The following GSG1L variants were observed in gnomAD, a reference collection of about 807,000 sequenced individuals.
GSG1L encodes the protein GSG1 like.
A neutral mutation model predicts 42.1 loss-of-function variants in GSG1L; 24 were observed. That is an observed-to-expected ratio of 0.57 (90% CI 0.41 to 0.80). The LOEUF is 0.80. GSG1L is among the 30% of genes least tolerant of loss of function. GSG1L has a pLI of 0.00. For missense variants in GSG1L, 445 were observed against 472.2 expected, an observed-to-expected ratio of 0.94 and a Z score of 0.53; for synonymous variants, 215 against 203.5, an observed-to-expected ratio of 1.06 and a Z score of -0.48.
chr16:27,814,679 CG>C (rs1440918300), intron 5 of GSG1L, among the ~76,000 whole-genome samples: 1 of 138,724 alleles, frequency 7.2e-6, no homozygotes, highest in Non-Finnish European at 1.5e-5. Context: ...AGGGAGAACC[CG>C]TCTCAAGGAA....
At chr16:27,902,731 G>C (rs1238412226) in intron 2 of GSG1L, among the ~76,000 whole-genome samples, 1 of 152,194 alleles carries the variant, frequency 6.6e-6, no homozygotes, top group South Asian at 2.1e-4. Context: ...GGTGCCTTGG[G>C]CGTTATTTAA....
chr16:27,898,446 G>A (rs1306611969), intron 2 of GSG1L, among the ~76,000 whole-genome samples: 3 of 150,358 alleles, frequency 2.0e-5, no homozygotes, highest in African/African-American at 7.3e-5. Context: ...GAAGGCAGAA[G>A]CACGAGAAAG....
chr16:27,976,414 G>A (rs2085251268), intron 1 of GSG1L, among the ~76,000 whole-genome samples: 1 of 152,202 alleles, frequency 6.6e-6, no homozygotes, highest in African/African-American at 2.4e-5. Context: ...GATCAGTGCT[G>A]CAGACATGAT....
At chr16:28,049,831 T>A (rs2086203460) in intron 1 of GSG1L, among the ~76,000 whole-genome samples, 1 of 152,200 alleles carries the variant, frequency 6.6e-6, no homozygotes, top group African/African-American at 2.4e-5. Flanking sequence ...AGTTCAGATG[T>A]CACCTTGTCA....
At chr16:27,921,327 GGA>G (rs1405392757) in intron 2 of GSG1L, among the ~76,000 whole-genome samples, 1 of 152,114 alleles carries the variant, frequency 6.6e-6, no homozygotes, top group Non-Finnish European at 1.5e-5. Context: ...CCAAAACCCT[GGA>G]GTTTCCCTGC....
intron 2 of GSG1L, among the ~76,000 whole-genome samples, chr16:27,956,216 C>T (rs1014918549): frequency 1.3e-5 from 2 of 152,126 alleles, no homozygotes; most frequent in Non-Finnish European, 2.9e-5. Context: ...AGTCTGTGCA[C>T]ATAAAACAGT....
At chr16:27,922,948 C>T (rs1293580181) in intron 2 of GSG1L, among the ~76,000 whole-genome samples, 3 of 152,126 alleles carry the variant, frequency 2.0e-5, no homozygotes, top group East Asian at 1.9e-4. Context: ...CCACCATGCC[C>T]GGCTAATGTT....
chr16:27,990,142 A>G lies in GSG1L; in HGVS notation c.350-26939T>C, dbSNP rs187826458. Among the ~76,000 whole-genome samples the G allele has an allele frequency of 2.4e-3, 371 of 152,314 alleles. 3 individuals carry two copies. The highest frequency in any genetic ancestry group is 8.5e-3 in the African/African-American group (354 of 41,572). Reference sequence around the variant, plus strand: ...TTACTCACATGGGTCTGAAATAATAAAGGACTGAAATCATTTTTATGACTT... The same window carrying G: ...TTACTCACATGGGTCTGAAATAATAGAGGACTGAAATCATTTTTATGACTT... On this transcript the variant is annotated intron_variant, in intron 1 of 6. Coordinates refer to ENST00000447459, the MANE Select transcript of GSG1L (RefSeq NM_001109763.2).
chr16:28,039,585 A>G (rs1389214942), intron 1 of GSG1L, among the ~76,000 whole-genome samples: 1 of 149,488 alleles, frequency 6.7e-6, no homozygotes, highest in African/African-American at 2.5e-5. Flanking sequence ...ACGCGCACAC[A>G]TGCACATACC....
chr16:27,813,987 C>T (rs1172766105), intron 5 of GSG1L, among the ~76,000 whole-genome samples: 1 of 152,206 alleles, frequency 6.6e-6, no homozygotes, highest in Non-Finnish European at 1.5e-5. Context: ...CTGCCACTGC[C>T]ACCCTGGTTG....
At chr16:27,994,574 A>G (rs1465405734) in intron 1 of GSG1L, among the ~76,000 whole-genome samples, 1 of 152,050 alleles carries the variant, frequency 6.6e-6, no homozygotes, top group Non-Finnish European at 1.5e-5. Flanking sequence ...GCACACACAC[A>G]CGTGCACATA....
chr16:27,897,712 C>T (rs1419615048), intron 2 of GSG1L, among the ~76,000 whole-genome samples: 1 of 152,220 alleles, frequency 6.6e-6, no homozygotes, highest in East Asian at 1.9e-4. Context: ...TTCTCTACCA[C>T]CTCCACAGAG....
At chr16:27,846,825 T>C (rs772963) in intron 3 of GSG1L, among the ~76,000 whole-genome samples, 46,901 of 151,696 alleles carry the variant, frequency 0.31, 7,464 homozygotes, top group East Asian at 0.45. Context: ...GGCGTGGTGG[T>C]GGGCACCTGT....
intron 2 of GSG1L, among the ~76,000 whole-genome samples, chr16:27,892,900 A>G (rs2084145473): frequency 6.6e-6 from 1 of 152,098 alleles, no homozygotes; most frequent in South Asian, 2.1e-4. Context: ...ATAATTAAAC[A>G]TTCGGGAACC....
rs569892057 is a variant in GSG1L at position 27,825,577 on chromosome 16, C to A, written c.830+3212G>T. 3.9e-5 allele frequency among the ~76,000 whole-genome samples: 6 copies of A among 152,302 alleles called. No individual in the cohort carries two copies. In the South Asian group the frequency reaches 1.0e-3, roughly 26 times the overall value. ...TTGGGAGGCCAAGGAGGGAGGACCACTTAAGCCCAGGAGGTCGAGGCTGCA... is the reference window on the plus strand; with the variant it reads ...TTGGGAGGCCAAGGAGGGAGGACCAATTAAGCCCAGGAGGTCGAGGCTGCA... On this transcript the variant is annotated intron_variant, in intron 5 of 6. Transcript: ENST00000447459.
At chr16:28,045,476 G>C (rs905299059) in intron 1 of GSG1L, among the ~76,000 whole-genome samples, 4 of 152,168 alleles carry the variant, frequency 2.6e-5, no homozygotes, top group Non-Finnish European at 5.9e-5. Context: ...AGGAGTTCAA[G>C]ACCAGCCTGG....
chr16:28,062,173 C>T (rs1022280979), intron 1 of GSG1L, among the ~76,000 whole-genome samples: 3 of 152,180 alleles, frequency 2.0e-5, no homozygotes, highest in Non-Finnish European at 4.4e-5. Flanking sequence ...CCAGCTCTAC[C>T]TGCTGTGTGG....
intron 5 of GSG1L, among the ~76,000 whole-genome samples, chr16:27,826,703 T>C (rs1004881904): frequency 3.9e-5 from 6 of 152,146 alleles, no homozygotes; most frequent in Non-Finnish European, 8.8e-5. Flanking sequence ...TGGGTCTTCA[T>C]CCACCAACAC....
At chr16:27,936,462 C>T (rs529286580) in intron 2 of GSG1L, among the ~76,000 whole-genome samples, 1 of 152,198 alleles carries the variant, frequency 6.6e-6, no homozygotes, top group Non-Finnish European at 1.5e-5. Context: ...CTCCCTCCGT[C>T]TCTTGCCTCC....
Sources: allele counts gnomAD v4.1 joint callset (sites outside exome capture counted in the v4.1 genomes callset), GRCh38; gene constraint gnomAD v4.1.1; transcripts MANE v1.5; gene names NCBI Gene and HGNC (gene_info 2026-07-23, HGNC 2026-07-21).